EYS: variants seen among roughly 807,000 people sequenced by gnomAD.
EYS encodes EGF-like photoreceptor maintenance factor.
Under a neutral mutation model 282.1 loss-of-function variants are expected in EYS, and 250 were observed. That is an observed-to-expected ratio of 0.89 (90% CI 0.80 to 0.98). EYS has a LOEUF of 0.98. EYS is among the 50% of genes least tolerant of loss of function. EYS has a pLI of 0.00. For missense variants in EYS, 4,016 were observed against 3,709.0 expected (o/e 1.08, Z -2.15); for synonymous variants, 1,355 against 1,282.9 (o/e 1.06, Z -1.20).
At chr6:64,185,153 C>T (rs1183842275) in intron 31 of EYS, among the ~76,000 whole-genome samples, 2 of 151,976 alleles carry the variant, frequency 1.3e-5, no homozygotes, top group African/African-American at 4.8e-5. Flanking sequence ...TTGAACTTGT[C>T]GGGCTCCCCA....
At chr6:65,614,198 G>T (rs922717279) in intron 2 of EYS, among the ~76,000 whole-genome samples, 1 of 151,938 alleles carries the variant, frequency 6.6e-6, no homozygotes, top group African/African-American at 2.4e-5. Flanking sequence ...CACATTATGA[G>T]TGTTTTTGGA....
chr6:64,515,947 G>C (rs962698662), intron 26 of EYS, among the ~76,000 whole-genome samples: 1 of 151,672 alleles, frequency 6.6e-6, no homozygotes, highest in African/African-American at 2.4e-5. Context: ...TAATTTTATT[G>C]TATATTAACT....
chr6:64,997,456 T>A, intron 14 of EYS, 126 bp downstream of exon 14: 1 of 850,754 alleles, frequency 1.2e-6, no homozygotes, highest in South Asian at 3.0e-5. Flanking sequence ...TTTCTAACCT[T>A]GAGAAGTAAG....
In EYS at chr6:64,591,868, A is replaced by T; in HGVS notation, c.3999T>A (p.Leu1333=). 1 of 1,551,204 alleles carries T rather than the reference A, an allele frequency of 6.4e-7. No individual in the cohort carries two copies. Among genetic ancestry groups the T allele is most frequent in the East Asian group, 2.4e-5 (1 of 40,914 alleles). The part of the protein sequence containing the change: ...LLQELIVTRE[L]SAKHSLLSSA... ...AAGAAAGAAGACTGTGTTTTGCTGA[A>T]AGCTCTCTAGTGACAATCAGTTCTT... The change falls in exon 26 of 43, where the codon CTT becomes CTA. Residue 1333 remains leucine, a synonymous_variant. Transcript: ENST00000503581.
chr6:65,039,773 A>C (rs1772877221), intron 13 of EYS, among the ~76,000 whole-genome samples: 1 of 151,830 alleles, frequency 6.6e-6, no homozygotes, highest in Admixed American at 6.6e-5. Flanking sequence ...TGATGGAGGA[A>C]GACTTTTGGT....
At chr6:64,334,004 C>T (rs1770743528) in intron 29 of EYS, among the ~76,000 whole-genome samples, 1 of 152,166 alleles carries the variant, frequency 6.6e-6, no homozygotes. Flanking sequence ...TATTAAGGAA[C>T]CCCATCATCG....
intron 30 of EYS, among the ~76,000 whole-genome samples, chr6:64,296,975 G>C (rs555960383): frequency 6.6e-6 from 1 of 152,136 alleles, no homozygotes; most frequent in Non-Finnish European, 1.5e-5. Context: ...CCAGGTGAAG[G>C]CTTCTAAATT....
chr6:63,776,382 A>G (rs1462031897), intron 40 of EYS, among the ~76,000 whole-genome samples: 1 of 152,056 alleles, frequency 6.6e-6, no homozygotes, highest in Non-Finnish European at 1.5e-5. Context: ...GACCCTCGAA[A>G]TGGAAGATCT....
chr6:65,447,361 G>A (rs2036474), intron 5 of EYS, among the ~76,000 whole-genome samples: 34,024 of 111,436 alleles, frequency 0.31, 4,465 homozygotes, highest in South Asian at 0.37. Flanking sequence ...TATGTATATA[G>A]TTATATATAT....
At chr6:64,507,973 G>T (rs78891357) in intron 26 of EYS, among the ~76,000 whole-genome samples, 1 of 152,172 alleles carries the variant, frequency 6.6e-6, no homozygotes, top group Admixed American at 6.5e-5. Context: ...TTCCTGAGTG[G>T]AACGACAAGG....
chr6:64,997,265 C>G (rs1194025451), intron 14 of EYS, among the ~76,000 whole-genome samples: 1 of 152,214 alleles, frequency 6.6e-6, no homozygotes, highest in South Asian at 2.1e-4. Flanking sequence ...GCCGTTAAGA[C>G]TCACACAGTG....
intron 35 of EYS, among the ~76,000 whole-genome samples, chr6:63,893,912 G>A (rs1773469214): frequency 6.6e-6 from 1 of 152,108 alleles, no homozygotes; most frequent in African/African-American, 2.4e-5. Flanking sequence ...TATAAGTTGT[G>A]TATCCCTTTC....
At chr6:65,316,581 T>G (rs1460285879) in intron 11 of EYS, among the ~76,000 whole-genome samples, 3 of 150,844 alleles carry the variant, frequency 2.0e-5, no homozygotes, top group African/African-American at 7.3e-5. Flanking sequence ...GCTGCACCCA[T>G]CAACCCATCA....
chr6:64,754,105 G>T (rs1465353703), intron 22 of EYS, among the ~76,000 whole-genome samples: 6 of 152,040 alleles, frequency 3.9e-5, no homozygotes, highest in Non-Finnish European at 7.4e-5. Flanking sequence ...AGCAAAAACA[G>T]TGCCAAGAGG....
At chr6:63,895,148 T>A (rs1392753527) in intron 35 of EYS, among the ~76,000 whole-genome samples, 5 of 149,206 alleles carry the variant, frequency 3.4e-5, no homozygotes, top group African/African-American at 2.5e-5. Flanking sequence ...TTGTGAGCGA[T>A]AAAAAAAAAA....
At chr6:65,055,134 C>A (rs981614375) in intron 13 of EYS, among the ~76,000 whole-genome samples, 1 of 151,922 alleles carries the variant, frequency 6.6e-6, no homozygotes, top group Non-Finnish European at 1.5e-5. Flanking sequence ...AGCATGCCAC[C>A]ACAACTGGCT....
rs563527699 is a variant in EYS at position 65,243,062 on chromosome 6, A to G, written c.2023+52801T>C. ...TAACAAGTGTTTTCTTACATTGTAT[A>G]TAACAATATGATTTGCAACAAAAAA... is the stretch of plus-strand genomic sequence containing the variant. On this transcript the variant is annotated intron_variant, in intron 12 of 42. Coordinates refer to ENST00000503581, the MANE Select transcript of EYS (RefSeq NM_001142800.2). 2.2e-4 allele frequency among the ~76,000 whole-genome samples: 34 copies of G among 152,066 alleles called. No homozygotes were observed. In the South Asian group the frequency reaches 2.5e-3, roughly 11 times the overall value.
intron 12 of EYS, among the ~76,000 whole-genome samples, chr6:65,171,329 C>T (rs1180847871): frequency 6.6e-6 from 1 of 151,524 alleles, no homozygotes; most frequent in Non-Finnish European, 1.5e-5. Flanking sequence ...ACAGGTAACA[C>T]ATTAAATAAT....
chr6:64,522,371 A>G (rs1007642318), intron 26 of EYS, among the ~76,000 whole-genome samples: 2 of 151,654 alleles, frequency 1.3e-5, no homozygotes, highest in African/African-American at 4.8e-5. Flanking sequence ...ACCTCTAACT[A>G]GTGTTAGAAT....
Sources: gnomAD v4.1 joint callset for allele counts (sites outside exome capture counted in the v4.1 genomes callset) on GRCh38, gnomAD v4.1.1 for gene constraint, MANE v1.5 for transcripts, NCBI Gene and HGNC (gene_info 2026-07-23, HGNC 2026-07-21) for gene names.